Variants in MPPED2 observed in about 807,000 individuals in gnomAD.
MPPED2 encodes the protein metallophosphoesterase MPPED2.
A neutral mutation model predicts 33.0 loss-of-function variants in MPPED2; 5 were observed. The ratio of observed to expected loss-of-function variants is 0.15; its 90% CI spans 0.08 to 0.32. The LOEUF (loss-of-function observed/expected upper bound fraction) is 0.32, where lower values mean the gene tolerates loss of function less well. MPPED2 is among the 10% of genes least tolerant of loss of function. The pLI is 1.00. For synonymous variants in MPPED2, 136 were observed against 141.9 expected, an observed-to-expected ratio of 0.96 and a Z score of 0.29; for missense variants, 275 against 372.1, an observed-to-expected ratio of 0.74 and a Z score of 2.15.
At chr11:30,395,838 T>G (rs1565031477) in intron 6 of MPPED2, among the ~76,000 whole-genome samples, 1 of 152,194 alleles carries the variant, frequency 6.6e-6, no homozygotes, top group Non-Finnish European at 1.5e-5. Context: ...TCAGAAACGT[T>G]GTACACACAT....
intron 6 of MPPED2, among the ~76,000 whole-genome samples, chr11:30,405,105 G>A (rs1009366098): frequency 1.3e-5 from 2 of 152,172 alleles, no homozygotes; most frequent in African/African-American, 4.8e-5. Context: ...CAGAAAATAG[G>A]AGTTCCTTTT....
chr11:30,407,073 C>T (rs560895179), downstream of MPPED2, among the ~76,000 whole-genome samples: 2 of 152,290 alleles, frequency 1.3e-5, no homozygotes, highest in African/African-American at 4.8e-5. Context: ...ATCCTCCCAG[C>T]TTCCGTTTCT....
intron 2 of MPPED2, among the ~76,000 whole-genome samples, chr11:30,572,645 C>T (rs1457716759): frequency 2.0e-5 from 3 of 152,028 alleles, no homozygotes; most frequent in Non-Finnish European, 2.9e-5. Context: ...TTTAAAACAG[C>T]AAATGCAGCC....
At chr11:30,409,944 C>T (rs530085851), downstream of MPPED2, 6 of 311,508 alleles carry the variant, frequency 1.9e-5, no homozygotes, top group South Asian at 6.4e-4. Flanking sequence ...ACAGCCTTAA[C>T]TCCAGTCTCT....
chr11:30,386,548 A>G (rs1362073857), exon 7 of MPPED2: 2 of 394,752 alleles, frequency 5.1e-6, no homozygotes, highest in Non-Finnish European at 8.9e-6. Context: ...TTTATAAAAT[A>G]CCCAGTCTCA....
At chr11:30,502,905 C>T (rs2134253015) in intron 3 of MPPED2, among the ~76,000 whole-genome samples, 1 of 152,302 alleles carries the variant, frequency 6.6e-6, no homozygotes, top group East Asian at 1.9e-4. Flanking sequence ...AGGTTTTCTG[C>T]TATAAATCAT....
At chr11:30,425,925 G>C (rs975477640) in intron 4 of MPPED2, among the ~76,000 whole-genome samples, 2 of 152,114 alleles carry the variant, frequency 1.3e-5, no homozygotes, top group Non-Finnish European at 2.9e-5. Context: ...AGGGATATTT[G>C]TCTTCTCTTT....
At chr11:30,504,717 C>T (rs1952738896) in intron 3 of MPPED2, 1 of 1,216,742 alleles carries the variant, frequency 8.2e-7, no homozygotes, top group Non-Finnish European at 1.1e-6. Flanking sequence ...GTCCTGACAG[C>T]TCTAACGTTA....
intron 4 of MPPED2, among the ~76,000 whole-genome samples, chr11:30,435,618 A>G (rs571588789): frequency 6.6e-6 from 1 of 152,350 alleles, no homozygotes; most frequent in Admixed American, 6.5e-5. Flanking sequence ...GTCCAAGAGC[A>G]GTGACAGACA....
At chr11:30,576,819 T>A (rs764643332) in intron 2 of MPPED2, among the ~76,000 whole-genome samples, 2 of 151,988 alleles carry the variant, frequency 1.3e-5, no homozygotes, top group Non-Finnish European at 2.9e-5. Context: ...GGTTAAATTT[T>A]GCTCTGCCAA....
chr11:30,556,439 G>A (rs1315415158), intron 2 of MPPED2, among the ~76,000 whole-genome samples: 1 of 152,142 alleles, frequency 6.6e-6, no homozygotes, highest in Non-Finnish European at 1.5e-5. Flanking sequence ...TTGTGGGTCT[G>A]GATTGCATTT....
At chr11:30,583,141 T>TC (rs756822506) in intron 1 of MPPED2, among the ~76,000 whole-genome samples, 2,041 of 34,716 alleles carry the variant, frequency 0.059, 56 homozygotes, top group Non-Finnish European at 0.084. Flanking sequence ...TTTCTTTTTT[T>TC]TTTTTTTTTT....
At chr11:30,523,383 A>G (rs1953980647) in intron 3 of MPPED2, among the ~76,000 whole-genome samples, 1 of 152,166 alleles carries the variant, frequency 6.6e-6, no homozygotes, top group Non-Finnish European at 1.5e-5. Flanking sequence ...CCACGTTGGT[A>G]TAAGGATGAC....
intron 4 of MPPED2, among the ~76,000 whole-genome samples, chr11:30,438,696 C>T (rs1949430961): frequency 6.6e-6 from 1 of 152,198 alleles, no homozygotes; most frequent in African/African-American, 2.4e-5. Context: ...TATTCTCGAT[C>T]CTATCTGTAC....
At chr11:30,583,134 CTTTTTTTTT>C (rs199611856) in intron 1 of MPPED2, among the ~76,000 whole-genome samples, 15 of 96,710 alleles carry the variant, frequency 1.6e-4, no homozygotes, top group African/African-American at 5.8e-4. Flanking sequence ...AAGACTTTTT[CTTTTTTTTT>C]TTTTTTTTTT....
chr11:30,480,822 AG>A (rs1041262767), intron 4 of MPPED2, among the ~76,000 whole-genome samples: 2 of 152,160 alleles, frequency 1.3e-5, no homozygotes, highest in Non-Finnish European at 2.9e-5. Context: ...CATTAGAGTT[AG>A]GAGAATTTTT....
exon 7 of MPPED2, chr11:30,386,711 G>C (rs901504115): frequency 5.0e-6 from 2 of 398,278 alleles, no homozygotes; most frequent in African/African-American, 2.1e-5. Flanking sequence ...AACTCTTGTC[G>C]CTGCTTGTCC....
chr11:30,433,695 G>A (rs808182), intron 4 of MPPED2, among the ~76,000 whole-genome samples: 17,899 of 152,174 alleles, frequency 0.12, 1,391 homozygotes, highest in South Asian at 0.24. Context: ...TGAAGCTGTA[G>A]TGGGAAATTT....
At chr11:30,538,396 T>C (rs929741097) in intron 2 of MPPED2, among the ~76,000 whole-genome samples, 3 of 152,140 alleles carry the variant, frequency 2.0e-5, no homozygotes, top group African/African-American at 7.2e-5. Context: ...AAACCTCTTG[T>C]TGTAAATAGT....
Sources: allele counts gnomAD v4.1 joint callset (sites outside exome capture counted in the v4.1 genomes callset), GRCh38; gene constraint gnomAD v4.1.1; transcripts MANE v1.5; gene names NCBI Gene and HGNC (gene_info 2026-07-23, HGNC 2026-07-21).